Variants in TENM1 observed in about 807,000 individuals in gnomAD.
TENM1 encodes the protein teneurin transmembrane protein 1, also known as teneurin-1.
TENM1 carries 35 observed loss-of-function variants against 174.8 expected under a neutral mutation model. The observed-to-expected ratio is 0.20, with a 90% CI of 0.15 to 0.27. The LOEUF is 0.27. TENM1 is among the 10% of genes least tolerant of loss of function. The probability of loss-of-function intolerance (pLI) is 1.00; values close to 1 mark genes in which losing one functional copy is unlikely to be tolerated. For missense variants in TENM1, 1,633 were observed against 2,130.1 expected (o/e 0.77, Z 4.59); for synonymous variants, 781 against 798.7 (o/e 0.98, Z 0.37).
At chrX:124,758,555 G>A (rs1037772275) in intron 3 of TENM1, among the ~76,000 whole-genome samples, 8 of 111,588 alleles carry the variant, frequency 7.2e-5, no homozygotes, top group African/African-American at 2.6e-4. Flanking sequence ...CAAAAGAGTG[G>A]AAAACAGGAT....
intron 18 of TENM1, among the ~76,000 whole-genome samples, chrX:124,509,281 G>A (rs1359068172): frequency 9.0e-6 from 1 of 111,038 alleles, no homozygotes; most frequent in African/African-American, 3.3e-5. Context: ...TGTGTGGAAG[G>A]CCTTGAGACT....
At chrX:124,838,784 T>C (rs1228705383) in intron 3 of TENM1, among the ~76,000 whole-genome samples, 1 of 111,145 alleles carries the variant, frequency 9.0e-6, no homozygotes, top group African/African-American at 3.3e-5. Flanking sequence ...TCTCTATATA[T>C]ACACATACAC....
intron 1 of TENM1, among the ~76,000 whole-genome samples, chrX:124,944,185 A>G (rs1393206056): frequency 8.9e-6 from 1 of 111,771 alleles, no homozygotes; most frequent in Non-Finnish European, 1.9e-5. Context: ...CATTAAATAA[A>G]TTAATCCAAT....
At chrX:124,526,781 A>G (rs1404760906) in intron 16 of TENM1, among the ~76,000 whole-genome samples, 2 of 112,264 alleles carry the variant, frequency 1.8e-5, no homozygotes, top group South Asian at 7.4e-4. Flanking sequence ...GCCTCATGGT[A>G]TCCATAAATG....
intron 3 of TENM1, among the ~76,000 whole-genome samples, chrX:124,853,754 G>A (rs535388810): frequency 9.0e-6 from 1 of 111,009 alleles, no homozygotes; most frequent in East Asian, 2.8e-4. Flanking sequence ...AGTTTTAAGG[G>A]CTTGGCTGAA....
chrX:124,440,941 C>T (rs1387768781), intron 23 of TENM1, among the ~76,000 whole-genome samples: 1 of 112,059 alleles, frequency 8.9e-6, no homozygotes, highest in Admixed American at 9.5e-5. Context: ...ACATGGCAAA[C>T]GTACACATAA....
the TENM1 span, among the ~76,000 whole-genome samples, chrX:125,162,634 C>A: frequency 8.9e-6 from 1 of 111,798 alleles, no homozygotes; most frequent in African/African-American, 3.3e-5. Flanking sequence ...ACTCTTCCTC[C>A]ACCAGCACCT....
chrX:124,865,830 T>C (rs1295730453), intron 3 of TENM1, among the ~76,000 whole-genome samples: 1 of 111,098 alleles, frequency 9.0e-6, no homozygotes, highest in Non-Finnish European at 1.9e-5. Flanking sequence ...TACATGCCAA[T>C]GAAAACCAAA....
the TENM1 span, among the ~76,000 whole-genome samples, chrX:124,999,700 G>A: frequency 4.5e-5 from 5 of 110,612 alleles, 1 homozygote; most frequent in Non-Finnish European, 5.7e-5. Context: ...TCCTTCTACC[G>A]GTGATTTTGT....
At chrX:124,650,697 T>C (rs1212280220) in intron 8 of TENM1, among the ~76,000 whole-genome samples, 1 of 111,916 alleles carries the variant, frequency 8.9e-6, no homozygotes, top group Non-Finnish European at 1.9e-5. Flanking sequence ...TAAGCCTCCA[T>C]AGAAAAATGC....
chrX:124,627,471 C>T (rs1050763883), intron 11 of TENM1, among the ~76,000 whole-genome samples: 2 of 111,467 alleles, frequency 1.8e-5, no homozygotes, highest in African/African-American at 3.3e-5. Flanking sequence ...TGAATTTGGC[C>T]GTTGCATCCC....
chrX:124,404,723 C>T (rs188291254), intron 27 of TENM1, among the ~76,000 whole-genome samples: 173 of 110,957 alleles, frequency 1.6e-3, no homozygotes, highest in African/African-American at 5.5e-3. Context: ...GGAGGGCCTC[C>T]TTTGACTAAA....
At chrX:124,543,691 T>G (rs2048369833) in intron 15 of TENM1, among the ~76,000 whole-genome samples, 1 of 112,249 alleles carries the variant, frequency 8.9e-6, no homozygotes. Context: ...TGCAGTCATG[T>G]TTGGAGTAGT....
At chrX:124,650,543 C>T (rs1054264653) in intron 8 of TENM1, among the ~76,000 whole-genome samples, 2 of 111,186 alleles carry the variant, frequency 1.8e-5, no homozygotes, top group Non-Finnish European at 3.8e-5. Flanking sequence ...GTTAATAGAT[C>T]GGTTAGTGTT....
intron 28 of TENM1, among the ~76,000 whole-genome samples, chrX:124,390,134 C>T (rs2060267150): frequency 8.9e-6 from 1 of 111,946 alleles, no homozygotes; most frequent in African/African-American, 3.2e-5. Context: ...TTGCCAACTA[C>T]GTTTTTGTAG....
chrX:124,690,466 T>A (rs1198745123), intron 5 of TENM1, among the ~76,000 whole-genome samples: 1 of 106,099 alleles, frequency 9.4e-6, no homozygotes, highest in East Asian at 3.0e-4. Context: ...TTTTAGATTT[T>A]ATAACCTGCT....
chrX:124,600,192 T>G (rs2049997412), intron 11 of TENM1, among the ~76,000 whole-genome samples: 1 of 110,082 alleles, frequency 9.1e-6, no homozygotes, highest in Admixed American at 9.7e-5. Flanking sequence ...ATTAGCCTCC[T>G]TAGAGAAATG....
chrX:124,866,224 C>T (rs2057004880), intron 3 of TENM1, among the ~76,000 whole-genome samples: 1 of 112,020 alleles, frequency 8.9e-6, no homozygotes, highest in African/African-American at 3.2e-5. Flanking sequence ...TTCCTCAGCA[C>T]ATGGATCATT....
the TENM1 span, among the ~76,000 whole-genome samples, chrX:125,087,702 G>C: frequency 9.0e-6 from 1 of 111,167 alleles, no homozygotes; most frequent in Non-Finnish European, 1.9e-5. Context: ...ATGTCTAAGG[G>C]ACACAGGAAT....
Sources: allele counts gnomAD v4.1 joint callset (sites outside exome capture counted in the v4.1 genomes callset), GRCh38; gene constraint gnomAD v4.1.1; transcripts MANE v1.5; gene names NCBI Gene and HGNC (gene_info 2026-07-23, HGNC 2026-07-21).